GARNL3: variants seen among roughly 807,000 people sequenced by gnomAD.
GARNL3 encodes the protein GTPase activating Rap/RanGAP domain like 3.
GARNL3 carries 63 observed loss-of-function variants against 125.0 expected under a neutral mutation model. The observed-to-expected ratio is 0.50, with a 90% CI of 0.41 to 0.62. The LOEUF is 0.62. Among genes scored for constraint, GARNL3 ranks in the 20% least tolerant of loss-of-function variants. The pLI, the probability that GARNL3 is intolerant of heterozygous loss-of-function variation, is 0.00. For synonymous variants in GARNL3, 439 were observed against 457.5 expected, an observed-to-expected ratio of 0.96 and a Z score of 0.52; for missense variants, 994 against 1,244.0, an observed-to-expected ratio of 0.80 and a Z score of 3.02.
At chr9:127,274,805 T>A (rs1340730056) in intron 1 of GARNL3, among the ~76,000 whole-genome samples, 2 of 152,252 alleles carry the variant, frequency 1.3e-5, no homozygotes, top group Non-Finnish European at 2.9e-5. Flanking sequence ...GCCACTTACC[T>A]GGTTAACTCT....
chr9:127,244,731 C>T (rs2063265805), intron 2 of GARNL3, among the ~76,000 whole-genome samples: 1 of 152,210 alleles, frequency 6.6e-6, no homozygotes, highest in African/African-American at 2.4e-5. Context: ...AGAAGTGATG[C>T]AGTTTGGAAC....
intron 22 of GARNL3, among the ~76,000 whole-genome samples, chr9:127,370,959 G>A (rs1273643016): frequency 6.6e-6 from 1 of 152,086 alleles, no homozygotes; most frequent in Non-Finnish European, 1.5e-5. Flanking sequence ...GCAGCTCAAG[G>A]GCACCTCGGA....
chr9:127,325,082 T>A lies in GARNL3; in HGVS notation c.581T>A (p.Leu194His). 1 of 1,613,678 alleles carries A rather than the reference T, an allele frequency of 6.2e-7. No homozygotes were observed. Among genetic ancestry groups the A allele is most frequent in the Non-Finnish European group, 8.5e-7 (1 of 1,179,600 alleles). Residue 194 changes from leucine to histidine, a missense_variant, in exon 7 of 28, where the codon CTT becomes CAT. By Grantham distance (99) the Leu-to-His change is moderately conservative. Transcript: ENST00000373387. ...TTTATTTGACAGGACTTGCTGGTTC[T>A]TGAAGAACAAGAGGTGAGTAATTCT... ...HPEIQKDLLV[L>H]EEQEGSVNFK...
intron 7 of GARNL3, among the ~76,000 whole-genome samples, chr9:127,329,418 A>T (rs1340750118): frequency 6.6e-6 from 1 of 152,150 alleles, no homozygotes; most frequent in Non-Finnish European, 1.5e-5. Flanking sequence ...TTGGGTGCAC[A>T]GGTACTTAAA....
At chr9:127,381,106 TG>T (rs1181530025) in intron 22 of GARNL3, among the ~76,000 whole-genome samples, 2 of 146,158 alleles carry the variant, frequency 1.4e-5, no homozygotes, top group African/African-American at 5.1e-5. Context: ...CTCGATCTCC[TG>T]ACCTCGTGAT....
At chr9:127,337,167 C>A (rs1175933250) in intron 11 of GARNL3, among the ~76,000 whole-genome samples, 1 of 152,124 alleles carries the variant, frequency 6.6e-6, no homozygotes, top group African/African-American at 2.4e-5. Context: ...GAATTTTCTT[C>A]CCTTTTCATC....
chr9:127,278,924 C>T (rs1156939070), intron 1 of GARNL3, among the ~76,000 whole-genome samples: 2 of 152,172 alleles, frequency 1.3e-5, no homozygotes, highest in African/African-American at 2.4e-5. Context: ...ATCTGAATCA[C>T]CCTCTCTTTT....
chr9:127,294,946 A>G (rs1433519244), intron 2 of GARNL3, among the ~76,000 whole-genome samples: 3 of 152,238 alleles, frequency 2.0e-5, no homozygotes, highest in African/African-American at 7.2e-5. Flanking sequence ...CCATGGTGCA[A>G]AGAAACAGGA....
intron 6 of GARNL3, 82 bp downstream of exon 6, chr9:127,320,860 A>T (rs2065377311): frequency 2.1e-6 from 2 of 951,384 alleles, no homozygotes; most frequent in African/African-American, 3.3e-5. Flanking sequence ...CATAATCCTT[A>T]TCCTGGGATG....
At chr9:127,259,538 C>T (rs904629164), upstream of GARNL3, among the ~76,000 whole-genome samples, 4 of 152,148 alleles carry the variant, frequency 2.6e-5, no homozygotes, top group African/African-American at 9.7e-5. Context: ...GCTAGGCCAA[C>T]GCTTTTAGGG....
At chr9:127,349,505 A>G (rs993131072) in intron 17 of GARNL3, among the ~76,000 whole-genome samples, 1 of 152,252 alleles carries the variant, frequency 6.6e-6, no homozygotes, top group African/African-American at 2.4e-5. Flanking sequence ...GGATATAGAA[A>G]CAAAAAGATT....
At chr9:127,290,292 A>G (rs1248552434) in intron 1 of GARNL3, among the ~76,000 whole-genome samples, 1 of 152,102 alleles carries the variant, frequency 6.6e-6, no homozygotes, top group African/African-American at 2.4e-5. Context: ...AATTTTTTCT[A>G]TTAATTTTTA....
intron 2 of GARNL3, among the ~76,000 whole-genome samples, chr9:127,307,187 C>A (rs115404062): frequency 6.6e-6 from 1 of 152,196 alleles, no homozygotes; most frequent in Non-Finnish European, 1.5e-5. Flanking sequence ...TTATGCCCCG[C>A]TCTCTGTGCT....
chr9:127,311,845 T>C (rs2065107218), intron 3 of GARNL3, 110 bp downstream of exon 3: 1 of 694,204 alleles, frequency 1.4e-6, no homozygotes. Context: ...TTAGGAACAC[T>C]AACATCAGGG....
At chr9:127,249,242 T>C (rs575215574) in intron 2 of GARNL3, among the ~76,000 whole-genome samples, 1 of 152,268 alleles carries the variant, frequency 6.6e-6, no homozygotes, top group East Asian at 1.9e-4. Context: ...GGCAAGAAAC[T>C]ATGACAGGGT....
At chr9:127,225,208 G>A (rs1460141163) in intron 1 of GARNL3, 4 of 242,114 alleles carry the variant, frequency 1.7e-5, no homozygotes, top group African/African-American at 2.4e-5. Flanking sequence ...TGGGCCCAGC[G>A]AGGGGAGAGG....
At chr9:127,297,442 A>G (rs1428137738) in intron 2 of GARNL3, among the ~76,000 whole-genome samples, 1 of 151,882 alleles carries the variant, frequency 6.6e-6, no homozygotes, top group Non-Finnish European at 1.5e-5. Context: ...CCCAGCCTAT[A>G]TTTTCTTTTT....
intron 1 of GARNL3, among the ~76,000 whole-genome samples, chr9:127,273,430 T>C (rs2063872629): frequency 6.6e-6 from 1 of 152,214 alleles, no homozygotes; most frequent in African/African-American, 2.4e-5. Flanking sequence ...TTTCAAACTA[T>C]TTTTCGTCCA....
intron 2 of GARNL3, among the ~76,000 whole-genome samples, chr9:127,303,940 C>A (rs2064873972): frequency 6.6e-6 from 1 of 152,084 alleles, no homozygotes; most frequent in African/African-American, 2.4e-5. Flanking sequence ...AGAAATGATT[C>A]AGGACTTTTG....
Sources: gnomAD v4.1 joint callset for allele counts (sites outside exome capture counted in the v4.1 genomes callset) on GRCh38, gnomAD v4.1.1 for gene constraint, MANE v1.5 for transcripts, NCBI Gene and HGNC (gene_info 2026-07-23, HGNC 2026-07-21) for gene names.